HNRNPM: variants seen among roughly 807,000 people sequenced by gnomAD.
HNRNPM encodes the protein CEA receptor.
HNRNPM carries 11 observed loss-of-function variants against 73.1 expected under a neutral mutation model. That is an observed-to-expected ratio of 0.15 (90% CI 0.09 to 0.25). The LOEUF is 0.25. Among genes scored for constraint, HNRNPM ranks in the 10% least tolerant of loss-of-function variants. The pLI is 1.00. For missense variants in HNRNPM, 789 were observed against 1,067.9 expected, an observed-to-expected ratio of 0.74 and a Z score of 3.64; for synonymous variants, 407 against 355.2, an observed-to-expected ratio of 1.15 and a Z score of -1.64.
At position 8,468,757 on chromosome 19, in the gene HNRNPM, TTTTC is replaced by T; in HGVS notation, c.835-11_835-8del. On this transcript the variant is annotated splice_polypyrimidine_tract_variant and intron_variant, in intron 8 of 15. Coordinates refer to ENST00000325495, the MANE Select transcript of HNRNPM (RefSeq NM_005968.5). ...TGCACTGGATACTGAGATTTGTTTG[TTTTC>T]TTTCTCTTTCAGGATGAGAGGGCCT... 6.2e-7 allele frequency: 1 copy of T among 1,609,970 alleles called. No homozygotes were observed. Among genetic ancestry groups the T allele is most frequent in the Non-Finnish European group, 8.5e-7 (1 of 1,176,304 alleles).
intron 1 of HNRNPM, among the ~76,000 whole-genome samples, chr19:8,445,772 C>T (rs761500489): frequency 1.9e-4 from 29 of 152,248 alleles, no homozygotes; most frequent in Non-Finnish European, 4.1e-4. Context: ...TCCTCCTCCC[C>T]GGGTGCGCCG....
chr19:8,456,461 G>A (rs1036158935), intron 2 of HNRNPM, among the ~76,000 whole-genome samples: 4 of 152,212 alleles, frequency 2.6e-5, no homozygotes, highest in African/African-American at 9.6e-5. Flanking sequence ...ATATTGCCTT[G>A]AGGCGCCCTC....
intron 9 of HNRNPM, among the ~76,000 whole-genome samples, chr19:8,470,007 C>T (rs531795105): frequency 6.6e-6 from 1 of 152,370 alleles, no homozygotes; most frequent in Admixed American, 6.5e-5. Flanking sequence ...ACTCATTTCC[C>T]AAATAAATTG....
At chr19:8,474,588 T>C (rs1970376585) in intron 12 of HNRNPM, among the ~76,000 whole-genome samples, 1 of 152,122 alleles carries the variant, frequency 6.6e-6, no homozygotes, top group African/African-American at 2.4e-5. Flanking sequence ...CTGCAAAGGG[T>C]TGTTCTTGGT....
At chr19:8,488,642 C>A in intron 15 of HNRNPM, 49 bp from the exon 16 acceptor site, 1 of 1,565,918 alleles carries the variant, frequency 6.4e-7, no homozygotes, top group Non-Finnish European at 8.7e-7. Flanking sequence ...CCACCAAAAT[C>A]TAACAAAATC....
At chr19:8,484,516 C>T (rs574017103) in intron 13 of HNRNPM, among the ~76,000 whole-genome samples, 26 of 152,236 alleles carry the variant, frequency 1.7e-4, no homozygotes, top group Non-Finnish European at 2.8e-4. Flanking sequence ...TGCCCATTCT[C>T]GCTAGGTTCC....
chr19:8,445,359 C>G (rs1210128180), intron 1 of HNRNPM: 5 of 369,602 alleles, frequency 1.4e-5, no homozygotes, highest in Non-Finnish European at 2.4e-5. Context: ...GGGCCAACCC[C>G]GTAGTCGAGG....
At chr19:8,463,713 A>T (rs759728542) in intron 5 of HNRNPM, 27 bp downstream of exon 5, 1 of 1,419,220 alleles carries the variant, frequency 7.0e-7, no homozygotes, top group Admixed American at 1.7e-5. Context: ...CACTGCGGAT[A>T]CTGTGTGTAA....
intron 2 of HNRNPM, among the ~76,000 whole-genome samples, chr19:8,457,863 G>A (rs895031827): frequency 4.6e-5 from 7 of 152,174 alleles, no homozygotes; most frequent in East Asian, 3.8e-4. Context: ...GGAAGAACTG[G>A]CAGATAGAGG....
rs1971519806 is a variant in HNRNPM at position 8,489,036 on chromosome 19, T to C, written c.*182T>C. 3 of 561,870 alleles carry C rather than the reference T, an allele frequency of 5.3e-6. No individual in the cohort carries two copies. Among genetic ancestry groups the C allele is most frequent in the Non-Finnish European group, 6.2e-6 (2 of 322,760 alleles). The allele number at this position is 561,870 out of a possible 1,614,324, so 34.8% of individuals were successfully genotyped here. ...TTGACTGTTTGCATTGAGATTGCAA[T>C]GTGCGCAATTTTTTTTGTAGTTGTG... On this transcript the variant is annotated 3_prime_UTR_variant, in exon 16 of 16. Coordinates refer to ENST00000325495, the MANE Select transcript of HNRNPM (RefSeq NM_005968.5).
chr19:8,468,652 C>T (rs1231096166), intron 8 of HNRNPM, 122 bp from the exon 9 acceptor site: 1 of 725,958 alleles, frequency 1.4e-6, no homozygotes. Flanking sequence ...TTGCGTATTA[C>T]TCCATGGCGT....
chr19:8,481,983 T>C (rs1275879309), intron 12 of HNRNPM, among the ~76,000 whole-genome samples: 1 of 149,974 alleles, frequency 6.7e-6, no homozygotes, highest in Non-Finnish European at 1.5e-5. Flanking sequence ...TTTTTTTTTT[T>C]TTTTTCTTAG....
chr19:8,472,669 G>C (rs1263282511), intron 10 of HNRNPM, among the ~76,000 whole-genome samples: 1 of 152,176 alleles, frequency 6.6e-6, no homozygotes, highest in Admixed American at 6.5e-5. Context: ...CTCAATCTCT[G>C]CCTCCTGGGT....
chr19:8,456,077 G>C (rs1969001752), intron 2 of HNRNPM, among the ~76,000 whole-genome samples: 1 of 151,708 alleles, frequency 6.6e-6, no homozygotes, highest in African/African-American at 2.4e-5. Context: ...TAAAACATTA[G>C]CTTGTATTTT....
rs1473873756 is a variant in HNRNPM, at chr19:8,488,781, G to C, written c.2120G>C (p.Arg707Thr). The change falls in exon 16 of 16, where the codon AGA (arginine) becomes ACA (threonine). Residue 707 changes from arginine to threonine, a missense_variant. Physicochemically the swap from Arg to Thr is moderately conservative, Grantham distance 71 (BLOSUM62 -1). Transcript: ENST00000325495. ...TTCGAGTCGCCAGAGGTGGCCGAGA[G>C]AGCCTGCCGGATGATGAATGGCATG... ...VKFESPEVAE[R>T]ACRMMNGMKL... 6.2e-7 allele frequency: 1 copy of C among 1,613,552 alleles called. No homozygotes were observed.
intron 12 of HNRNPM, among the ~76,000 whole-genome samples, chr19:8,474,751 G>A (rs936960181): frequency 1.5e-4 from 21 of 142,270 alleles, no homozygotes; most frequent in Non-Finnish European, 1.5e-5. Context: ...GTCTCACTCT[G>A]TCACCTAGGC....
intron 10 of HNRNPM, among the ~76,000 whole-genome samples, chr19:8,473,392 T>C (rs900254968): frequency 6.6e-6 from 1 of 151,050 alleles, no homozygotes; most frequent in Non-Finnish European, 1.5e-5. Context: ...ACCCGGGAGG[T>C]GGAGGTTGCA....
At chr19:8,482,360 G>A (rs1970982417) in intron 12 of HNRNPM, among the ~76,000 whole-genome samples, 1 of 152,180 alleles carries the variant, frequency 6.6e-6, no homozygotes, top group Non-Finnish European at 1.5e-5. Context: ...GAGCGGGTGG[G>A]TACAAGTGTC....
intron 11 of HNRNPM, 36 bp from the exon 12 acceptor site, chr19:8,474,131 T>C: frequency 6.7e-7 from 1 of 1,485,646 alleles, no homozygotes; most frequent in Non-Finnish European, 9.1e-7. Flanking sequence ...TAAGCAGTCT[T>C]GTTGGATGAT....
Sources: allele counts gnomAD v4.1 joint callset (sites outside exome capture counted in the v4.1 genomes callset), GRCh38; gene constraint gnomAD v4.1.1; transcripts MANE v1.5; gene names NCBI Gene and HGNC (gene_info 2026-07-23, HGNC 2026-07-21).